JMJD1C: variants seen among roughly 807,000 people sequenced by gnomAD.
JMJD1C encodes jumonji domain-containing protein 1C.
JMJD1C carries 31 observed loss-of-function variants against 245.3 expected under a neutral mutation model. The ratio of observed to expected loss-of-function variants is 0.13; its 90% confidence interval spans 0.09 to 0.17. JMJD1C has a LOEUF of 0.17. JMJD1C is among the 10% of genes least tolerant of loss of function. The pLI is 1.00. For missense variants in JMJD1C, 2,691 were observed against 3,000.2 expected, an observed-to-expected ratio of 0.90 and a Z score of 2.41; for synonymous variants, 1,057 against 1,017.4, an observed-to-expected ratio of 1.04 and a Z score of -0.74.
intron 2 of JMJD1C, among the ~76,000 whole-genome samples, chr10:63,353,229 T>C (rs1944512145): frequency 6.6e-6 from 1 of 152,068 alleles, no homozygotes; most frequent in Non-Finnish European, 1.5e-5. Flanking sequence ...GTATATGCAA[T>C]AGAACTAGGC....
intron 1 of JMJD1C, among the ~76,000 whole-genome samples, chr10:63,395,209 C>T (rs953747795): frequency 1.3e-4 from 19 of 151,600 alleles, no homozygotes; most frequent in African/African-American, 3.6e-4. Context: ...CCAGGTGCAG[C>T]GGCTCATGCC....
intron 1 of JMJD1C, among the ~76,000 whole-genome samples, chr10:63,464,462 A>C (rs1208430727): frequency 6.6e-6 from 1 of 152,226 alleles, no homozygotes; most frequent in Non-Finnish European, 1.5e-5. Context: ...CTAAATTTGA[A>C]GTTTTCATTG....
intron 2 of JMJD1C, among the ~76,000 whole-genome samples, chr10:63,284,001 TTC>T (rs1322752352): frequency 2.6e-5 from 4 of 151,988 alleles, no homozygotes; most frequent in African/African-American, 9.7e-5. Flanking sequence ...AAAGAGAATT[TTC>T]TGTTTTCTTT....
At chr10:63,343,050 T>A (rs1943510443) in intron 2 of JMJD1C, among the ~76,000 whole-genome samples, 1 of 152,030 alleles carries the variant, frequency 6.6e-6, no homozygotes, top group Non-Finnish European at 1.5e-5. Flanking sequence ...ATAAGGATAC[T>A]CAACCTGCAT....
intron 1 of JMJD1C, chr10:63,382,969 C>T (rs1210316214): frequency 7.9e-6 from 3 of 379,418 alleles, no homozygotes; most frequent in Middle Eastern, 3.7e-4. Flanking sequence ...AAGCAAATAC[C>T]GTCCTATATT....
intron 2 of JMJD1C, among the ~76,000 whole-genome samples, chr10:63,284,391 G>A (rs1012567389): frequency 1.3e-5 from 2 of 152,104 alleles, no homozygotes; most frequent in African/African-American, 4.8e-5. Flanking sequence ...GCTTCATTAT[G>A]TTTATTACTG....
At chr10:63,313,059 C>T (rs1302095979) in intron 2 of JMJD1C, among the ~76,000 whole-genome samples, 3 of 152,148 alleles carry the variant, frequency 2.0e-5, no homozygotes. Flanking sequence ...GAGCAGCATA[C>T]ACTGAACCCA....
At chr10:63,443,359 T>G (rs560005538) in intron 1 of JMJD1C, among the ~76,000 whole-genome samples, 1 of 152,324 alleles carries the variant, frequency 6.6e-6, no homozygotes, top group East Asian at 1.9e-4. Context: ...TCACCCACGC[T>G]GGGATGCAGT....
intron 3 of JMJD1C, among the ~76,000 whole-genome samples, chr10:63,254,869 T>A (rs1003258044): frequency 2.0e-5 from 3 of 150,190 alleles, no homozygotes; most frequent in South Asian, 2.1e-4. Context: ...CTTTTTTTTT[T>A]ATGAGATAGG....
chr10:63,183,095 C>T (rs1393468805), intron 22 of JMJD1C, among the ~76,000 whole-genome samples: 6 of 152,050 alleles, frequency 3.9e-5, no homozygotes, highest in Non-Finnish European at 8.8e-5. Flanking sequence ...TCCTGACCTC[C>T]AGTGATTCAC....
intron 13 of JMJD1C, among the ~76,000 whole-genome samples, chr10:63,194,970 C>A (rs1307330669): frequency 6.6e-6 from 1 of 152,152 alleles, no homozygotes; most frequent in Non-Finnish European, 1.5e-5. Flanking sequence ...TCTCAAGAAC[C>A]TTCTCTACAA....
intron 1 of JMJD1C, among the ~76,000 whole-genome samples, chr10:63,422,263 T>C (rs1364311125): frequency 1.3e-5 from 2 of 152,032 alleles, no homozygotes; most frequent in African/African-American, 4.8e-5. Flanking sequence ...AATACAAAAA[T>C]CAGCCATGTG....
chr10:63,175,054 T>C (rs1305469067), intron 24 of JMJD1C, among the ~76,000 whole-genome samples: 1 of 152,218 alleles, frequency 6.6e-6, no homozygotes, highest in Admixed American at 6.5e-5. Context: ...AAAACTGACA[T>C]TGGATAAATT....
intron 3 of JMJD1C, chr10:63,223,103 A>G: frequency 1.5e-6 from 1 of 678,984 alleles, no homozygotes; most frequent in Non-Finnish European, 2.4e-6. Flanking sequence ...AGTAAAACTT[A>G]CCGATAGTTT....
chr10:63,210,740 C>A (rs1009907942), intron 8 of JMJD1C, among the ~76,000 whole-genome samples: 8 of 152,086 alleles, frequency 5.3e-5, no homozygotes, highest in African/African-American at 1.9e-4. Flanking sequence ...AAAATAGAAA[C>A]CTTGAATTAA....
intron 1 of JMJD1C, among the ~76,000 whole-genome samples, chr10:63,452,986 G>T (rs1457799722): frequency 1.3e-5 from 2 of 152,112 alleles, no homozygotes; most frequent in African/African-American, 4.8e-5. Context: ...ACTTAAAAAT[G>T]GTTAAAATGA....
chr10:63,414,770 G>C (rs1211737071), intron 1 of JMJD1C, among the ~76,000 whole-genome samples: 1 of 151,906 alleles, frequency 6.6e-6, no homozygotes, highest in African/African-American at 2.4e-5. Flanking sequence ...CACCGGTTGT[G>C]GTGGCAGGTG....
At chr10:63,466,444 A>G (rs1190186374), upstream of JMJD1C, 1 of 152,382 alleles carries the variant, frequency 6.6e-6, no homozygotes, top group Non-Finnish European at 1.5e-5. Context: ...TAAGCCCCAA[A>G]GTCACAGCAG....
At chr10:63,435,098 C>A (rs1394240057) in intron 1 of JMJD1C, among the ~76,000 whole-genome samples, 1 of 152,194 alleles carries the variant, frequency 6.6e-6, no homozygotes, top group Non-Finnish European at 1.5e-5. Context: ...TGGAATAAAT[C>A]ATTTCCTGAC....
Sources: gnomAD v4.1 joint callset for allele counts (sites outside exome capture counted in the v4.1 genomes callset) on GRCh38, gnomAD v4.1.1 for gene constraint, MANE v1.5 for transcripts, NCBI Gene and HGNC (gene_info 2026-07-23, HGNC 2026-07-21) for gene names.